The following ASB2 variants were observed in gnomAD, a reference collection of about 807,000 sequenced individuals.
ASB2 encodes ankyrin repeat and SOCS box protein 2.
In ASB2, 58 loss-of-function variants were observed where a neutral mutation model predicts 62.4. That is an observed-to-expected ratio of 0.93 (90% CI 0.75 to 1.16). The LOEUF is 1.16. ASB2 is among the 50% of genes most tolerant of loss of function. ASB2 has a pLI of 0.00. For synonymous variants in ASB2, 386 were observed against 385.3 expected (o/e 1.00, Z -0.02); for missense variants, 928 against 887.9 (o/e 1.05, Z -0.57).
chr14:93,971,096 T>C (rs994336172), intron 1 of ASB2, among the ~76,000 whole-genome samples: 1 of 152,206 alleles, frequency 6.6e-6, no homozygotes, highest in African/African-American at 2.4e-5. Flanking sequence ...GGGATTTGAA[T>C]TCCCACAAGC....
chr14:93,939,688 G>GA lies in ASB2; in HGVS notation c.1053-17_1053-16insT. 1 of 1,423,412 alleles carries GA rather than the reference G, an allele frequency of 7.0e-7. No homozygotes were observed. The highest frequency in any genetic ancestry group is 9.1e-7 in the Non-Finnish European group (1 of 1,095,482). 88.2% of individuals were successfully genotyped at this position (1,423,412 alleles called of 1,614,324 possible). A position where few individuals can be genotyped will look rare whatever the true frequency, so the allele number is the denominator to read the frequency against. On this transcript the variant is annotated splice_polypyrimidine_tract_variant and intron_variant, in intron 7 of 9. Transcript: ENST00000555019. ...CTGCACGATCCTGCCGGGTCGAGGG[G>GA]CGGGCGCGGGTGAGGGGAGGGTCGG...
At chr14:93,961,354 A>G (rs933293511) in intron 2 of ASB2, among the ~76,000 whole-genome samples, 3 of 152,048 alleles carry the variant, frequency 2.0e-5, no homozygotes, top group African/African-American at 4.8e-5. Flanking sequence ...TTCTCTTTCC[A>G]CTCTGCTGCC....
chr14:93,951,061 G>A lies in ASB2; in HGVS notation c.818C>T (p.Thr273Ile), dbSNP rs533914465. ...ACTCTGGGCGGCCACGAACAAGGGGGTGATGCCGTAGGCGTTCTTGGATTC... is the reference window on the plus strand; with the variant it reads ...ACTCTGGGCGGCCACGAACAAGGGGATGATGCCGTAGGCGTTCTTGGATTC... ...KVESKNAYGI[T>I]PLFVAAQSGQ... Residue 273 changes from threonine to isoleucine, a missense_variant, in exon 6 of 10, where the codon ACC becomes ATC. Thr to Ile is a moderately conservative substitution (Grantham distance 89). Transcript: ENST00000555019. 4 of 1,614,084 alleles carry A rather than the reference G, an allele frequency of 2.5e-6. No homozygotes were observed. The highest frequency in any genetic ancestry group is 3.4e-6 in the Non-Finnish European group (4 of 1,180,052).
chr14:93,944,139 A>T (rs1457577785), intron 7 of ASB2: 2 of 384,170 alleles, frequency 5.2e-6, no homozygotes, highest in East Asian at 1.4e-4. Context: ...CGGCAGCGCC[A>T]TCTCGTCAGG....
At chr14:93,935,389 C>A (rs1381586000) in intron 9 of ASB2, among the ~76,000 whole-genome samples, 2 of 151,960 alleles carry the variant, frequency 1.3e-5, no homozygotes, top group Non-Finnish European at 2.9e-5. Context: ...CATCCAGTAA[C>A]GGAGTAATTA....
chr14:93,956,941 G>T, intron 2 of ASB2, 71 bp from the exon 3 acceptor site: 3 of 1,602,146 alleles, frequency 1.9e-6, no homozygotes, highest in Non-Finnish European at 1.7e-6. Context: ...ATGGCTTCAG[G>T]CAGGAATGAG....
intron 8 of ASB2, among the ~76,000 whole-genome samples, chr14:93,938,444 G>T (rs1203602805): frequency 6.6e-6 from 1 of 152,034 alleles, no homozygotes; most frequent in Non-Finnish European, 1.5e-5. Flanking sequence ...GTTTCACCGT[G>T]TTAGCCAGGA....
Position 93,947,443 on chromosome 14 carries a change from C to T in ASB2, c.958G>A (p.Val320Met), listed in dbSNP as rs955809950. Residue 320 changes from valine (V) to methionine (M), a missense_variant, in exon 7 of 10, where the codon GTG (valine) becomes ATG (methionine). Physicochemically the swap from Val to Met is conservative, Grantham distance 21 (BLOSUM62 1). Coordinates refer to ENST00000555019, the MANE Select transcript of ASB2 (RefSeq NM_001202429.2). The part of the protein sequence containing the change: ...EACKNEHEEV[V>M]EFLLSQGADA... Reference sequence around the variant, plus strand: ...GCACCCTGTGACAGCAGAAACTCCACCACCTCCTCATGCTCATTCTTGCAG... The same window carrying T: ...GCACCCTGTGACAGCAGAAACTCCATCACCTCCTCATGCTCATTCTTGCAG... The T allele has an allele frequency of 6.2e-7, 1 of 1,614,238 alleles. No homozygotes were observed. The highest frequency in any genetic ancestry group is 1.3e-5 in the African/African-American group (1 of 75,064).
intron 7 of ASB2, 188 bp from the exon 8 acceptor site, chr14:93,939,860 C>A (rs1025395362): frequency 1.6e-4 from 74 of 471,504 alleles, no homozygotes; most frequent in Non-Finnish European, 2.3e-4. Flanking sequence ...CAGGGTGGGT[C>A]GGCTGCCGTC....
chr14:93,946,632 C>T (rs566650239), intron 7 of ASB2, among the ~76,000 whole-genome samples: 8 of 152,338 alleles, frequency 5.3e-5, no homozygotes, highest in Admixed American at 5.2e-4. Context: ...TCGTCTGTCT[C>T]CACAGGAGCC....
At position 93,951,080 on chromosome 14, in the gene ASB2, T is replaced by G. The variant is rs1888944233; in HGVS notation, c.799A>C (p.Lys267Gln). The stretch of plus-strand genomic sequence containing the variant: ...AAGGGGGTGATGCCGTAGGCGTTCT[T>G]GGATTCCACCTTGGCTCCTCCGCTC... ...LVSGGAKVES[K>Q]NAYGITPLFV... The change falls in exon 6 of 10, where the codon AAG becomes CAG. Residue 267 changes from lysine to glutamine, a missense_variant. Lys to Gln is a moderately conservative substitution (Grantham distance 53, BLOSUM62 1). Coordinates refer to ENST00000555019, the MANE Select transcript of ASB2 (RefSeq NM_001202429.2). The G allele has an allele frequency of 1.2e-6, 2 of 1,614,212 alleles. No individual in the cohort carries two copies. Among genetic ancestry groups the G allele is most frequent in the Non-Finnish European group, 1.7e-6 (2 of 1,180,042 alleles).
intron 1 of ASB2, among the ~76,000 whole-genome samples, chr14:93,974,888 G>C (rs1396095462): frequency 6.6e-6 from 1 of 152,216 alleles, no homozygotes; most frequent in East Asian, 1.9e-4. Flanking sequence ...AGGTCACCGT[G>C]CGTGGGTTAG....
chr14:93,934,797 A>G lies in ASB2; in HGVS notation c.1772-5T>C. The G allele has an allele frequency of 6.2e-7, 1 of 1,612,210 alleles. No individual in the cohort carries two copies. The highest frequency in any genetic ancestry group is 8.5e-7 in the Non-Finnish European group (1 of 1,178,294). On this transcript the variant is annotated splice_polypyrimidine_tract_variant and splice_region_variant and intron_variant, in intron 9 of 9. Coordinates refer to ENST00000555019, the MANE Select transcript of ASB2 (RefSeq NM_001202429.2). ...GAGCCAGAGGTCTTGGAGGTTCTGAAAAAAGGAGGGAAAGACAGAGGCTGA... is the reference window on the plus strand; with the variant it reads ...GAGCCAGAGGTCTTGGAGGTTCTGAGAAAAGGAGGGAAAGACAGAGGCTGA...
intron 4 of ASB2, 70 bp from the exon 5 acceptor site, chr14:93,953,577 G>T (rs144091867): frequency 7.6e-7 from 1 of 1,312,142 alleles, no homozygotes; most frequent in Non-Finnish European, 1.0e-6. Context: ...AGGCTTTCCC[G>T]ATTGCCTCCC....
Position 93,947,394 on chromosome 14 carries a change from T to C in ASB2, c.1007A>G (p.Asp336Gly), listed in dbSNP as rs764416196. 8 of 1,614,140 alleles carry C rather than the reference T, an allele frequency of 5.0e-6. No homozygotes were observed. The highest frequency in any genetic ancestry group is 5.9e-6 in the Non-Finnish European group (7 of 1,180,010). ...GGCGATGTGCAGCGGGAGCAAGCCGTCCTTGTTGGTCTTGTTGGCGTCGGC... is the reference window on the plus strand; with the variant it reads ...GGCGATGTGCAGCGGGAGCAAGCCGCCCTTGTTGGTCTTGTTGGCGTCGGC... ...QGADANKTNK[D>G]GLLPLHIASK... The change falls in exon 7 of 10, where the codon GAC (aspartate) becomes GGC (glycine). Residue 336 changes from aspartate (D) to glycine (G), a missense_variant. By Grantham distance (94) the Asp-to-Gly change is moderately conservative. Coordinates refer to ENST00000555019, the MANE Select transcript of ASB2 (RefSeq NM_001202429.2).
At chr14:93,956,334 C>T (rs1265957942) in intron 3 of ASB2, among the ~76,000 whole-genome samples, 6 of 152,190 alleles carry the variant, frequency 3.9e-5, no homozygotes, top group Non-Finnish European at 7.3e-5. Flanking sequence ...GTACCCACAG[C>T]GATGGCATGG....
At position 93,951,155 on chromosome 14, in the gene ASB2, G is replaced by C; in HGVS notation, c.724C>G (p.Leu242Val). 6.2e-7 allele frequency: 1 copy of C among 1,614,160 alleles called. No homozygotes were observed. Among genetic ancestry groups the C allele is most frequent in the South Asian group, 1.1e-5 (1 of 91,086 alleles). ...NHRCNRGWTA[L>V]HESVSRNDLE... ...TCATTGCGAGACACAGACTCGTGCA[G>C]AGCGGTCCAGCCGCGGTTGCAGCGG... is the stretch of plus-strand genomic sequence containing the variant. The change falls in exon 6 of 10, where the codon CTG (leucine) becomes GTG (valine). Residue 242 changes from leucine (L) to valine (V), a missense_variant. Leu to Val is a conservative substitution (Grantham distance 32). Transcript: ENST00000555019.
intron 1 of ASB2, among the ~76,000 whole-genome samples, chr14:93,965,280 C>T (rs867190063): frequency 1.3e-5 from 2 of 152,236 alleles, no homozygotes; most frequent in Admixed American, 6.5e-5. Context: ...GAGGATACAA[C>T]GATGATTCCA....
Position 93,937,690 on chromosome 14 carries a change from G to C in ASB2, c.1771+8C>G, listed in dbSNP as rs377328485. The C allele has an allele frequency of 7.5e-6, 12 of 1,598,992 alleles. No individual in the cohort carries two copies. The highest frequency in any genetic ancestry group is 1.0e-5 in the Non-Finnish European group (12 of 1,167,266). On this transcript the variant is annotated splice_region_variant and intron_variant, in intron 9 of 9. Transcript: ENST00000555019. ...CTGCCAGCCTTGGCAGCAGCAGCAA[G>C]TCCCTACCTGCCTTCTCCTTGATGA...
Sources: gnomAD v4.1 joint callset for allele counts (sites outside exome capture counted in the v4.1 genomes callset) on GRCh38, gnomAD v4.1.1 for gene constraint, MANE v1.5 for transcripts, NCBI Gene and HGNC (gene_info 2026-07-23, HGNC 2026-07-21) for gene names.